The following SDK1 variants were observed in gnomAD, a reference collection of about 807,000 sequenced individuals.
The protein encoded by SDK1 is sidekick cell adhesion molecule 1.
In SDK1, 157 loss-of-function variants were observed where a neutral mutation model predicts 245.5. That is an observed-to-expected ratio of 0.64 (90% CI 0.56 to 0.73). The LOEUF (loss-of-function observed/expected upper bound fraction) is 0.73. Among genes scored for constraint, SDK1 ranks in the 30% least tolerant of loss-of-function variants. SDK1 has a pLI of 0.00. For missense variants in SDK1, 3,583 were observed against 3,002.3 expected, an observed-to-expected ratio of 1.19 and a Z score of -4.52; for synonymous variants, 1,647 against 1,278.5, an observed-to-expected ratio of 1.29 and a Z score of -6.15.
chr7:3,967,169 G>GCTGC, intron 9 of SDK1, 149 bp from the exon 10 acceptor site: 1 of 644,188 alleles, frequency 1.6e-6, no homozygotes, highest in Non-Finnish European at 2.8e-6. Flanking sequence ...ACAGTGGAGG[G>GCTGC]CTGCCGTCCC....
intron 5 of SDK1, among the ~76,000 whole-genome samples, chr7:3,894,685 A>G (rs557132384): frequency 9.2e-4 from 140 of 151,886 alleles, no homozygotes; most frequent in African/African-American, 3.1e-3. Flanking sequence ...AAAGCAGAGT[A>G]ATACTATTTT....
At chr7:3,627,265 A>G (rs1456223514) in intron 2 of SDK1, among the ~76,000 whole-genome samples, 3 of 152,080 alleles carry the variant, frequency 2.0e-5, no homozygotes, top group East Asian at 1.9e-4. Context: ...CTATTATCCT[A>G]TTAGTGTGGC....
Position 4,203,123 on chromosome 7 carries a change from G to C in SDK1, c.5099-2756G>C, listed in dbSNP as rs189491658. 4.1e-4 allele frequency among the ~76,000 whole-genome samples: 62 copies of C among 152,348 alleles called. 1 individual carries two copies. Among genetic ancestry groups the C allele is most frequent in the African/African-American group, 1.4e-3 (57 of 41,592 alleles). On this transcript the variant is annotated intron_variant, in intron 35 of 44. Coordinates refer to ENST00000404826, the MANE Select transcript of SDK1 (RefSeq NM_152744.4). The stretch of plus-strand genomic sequence containing the variant: ...AGCCTCCAGCCCACCCCTTCCCGCA[G>C]AGGCAGGAGGCCACGCCATAACCCG...
chr7:3,437,704 GTGCCACT>G (rs1780070128), intron 1 of SDK1, among the ~76,000 whole-genome samples: 1 of 152,126 alleles, frequency 6.6e-6, no homozygotes, highest in African/African-American at 2.4e-5. Flanking sequence ...AGCTGTGATC[GTGCCACT>G]GCACTCCAGC....
intron 1 of SDK1, among the ~76,000 whole-genome samples, chr7:3,461,605 T>C (rs557759457): frequency 6.6e-6 from 1 of 152,298 alleles, no homozygotes; most frequent in Non-Finnish European, 1.5e-5. Context: ...GTTGTGTGAC[T>C]TTGGTCATTG....
At chr7:3,504,180 A>ATG (rs1338465819) in intron 1 of SDK1, among the ~76,000 whole-genome samples, 1,156 of 89,444 alleles carry the variant, frequency 0.013, 19 homozygotes, top group African/African-American at 0.044. Context: ...ATATATATAT[A>ATG]TATGTGTGTG....
chr7:3,527,524 AG>A (rs1235265230), intron 1 of SDK1, among the ~76,000 whole-genome samples: 2 of 152,178 alleles, frequency 1.3e-5, no homozygotes, highest in African/African-American at 4.8e-5. Flanking sequence ...AGAAGGTCAG[AG>A]TGCCTGGATG....
At chr7:4,210,187 G>T in intron 38 of SDK1, 25 bp downstream of exon 38, 1 of 1,514,774 alleles carries the variant, frequency 6.6e-7, no homozygotes, top group Non-Finnish European at 8.8e-7. Flanking sequence ...TGGGGAGATG[G>T]GAGCGCGGGC....
rs2014637 is a variant in SDK1, at chr7:3,800,374, T to C, written c.714-21076T>C. Among the ~76,000 whole-genome samples the C allele has an allele frequency of 3.2e-3, 473 of 145,950 alleles. 2 individuals are homozygous for C. The highest frequency in any genetic ancestry group is 9.6e-3 in the African/African-American group (361 of 37,490). Reference sequence around the variant, plus strand: ...TTTTACTTACTTACTTACTTACTTATTTATTTATTTATTTATTTATTTATT... The same window carrying C: ...TTTTACTTACTTACTTACTTACTTACTTATTTATTTATTTATTTATTTATT... On this transcript the variant is annotated intron_variant, in intron 4 of 44. Coordinates refer to ENST00000404826, the MANE Select transcript of SDK1 (RefSeq NM_152744.4).
At chr7:4,125,065 GTGGATGGATGGA>G (rs758297818) in intron 25 of SDK1, among the ~76,000 whole-genome samples, 2 of 149,516 alleles carry the variant, frequency 1.3e-5, no homozygotes, top group Admixed American at 1.3e-4. Flanking sequence ...TGGGTAATGG[GTGGATGGATGGA>G]TGGATGGATG....
chr7:3,391,737 A>T (rs1430792291), intron 1 of SDK1, among the ~76,000 whole-genome samples: 1 of 150,620 alleles, frequency 6.6e-6, no homozygotes, highest in African/African-American at 2.4e-5. Flanking sequence ...GCCAGGTTTA[A>T]GTGATCCTCC....
intron 20 of SDK1, among the ~76,000 whole-genome samples, chr7:4,070,946 G>A (rs930341977): frequency 2.0e-5 from 3 of 151,580 alleles, no homozygotes; most frequent in Admixed American, 6.6e-5. Flanking sequence ...TCCTGACCTC[G>A]TGATCCACCC....
At chr7:3,959,793 CTT>C (rs796300551) in intron 8 of SDK1, among the ~76,000 whole-genome samples, 1 of 145,612 alleles carries the variant, frequency 6.9e-6, no homozygotes, top group Admixed American at 6.9e-5. Flanking sequence ...GAAATGTTAC[CTT>C]TTTTTTTTTG....
intron 4 of SDK1, among the ~76,000 whole-genome samples, chr7:3,687,827 T>C (rs1159271919): frequency 6.6e-6 from 1 of 152,158 alleles, no homozygotes; most frequent in Admixed American, 6.5e-5. Flanking sequence ...CGTATCCTGC[T>C]CACAGTGCTG....
chr7:4,248,996 C>T (rs1469131905), intron 44 of SDK1, among the ~76,000 whole-genome samples: 1 of 148,632 alleles, frequency 6.7e-6, no homozygotes, highest in Non-Finnish European at 1.5e-5. Context: ...ATGCACAACA[C>T]ATACATACCT....
chr7:3,940,676 C>T (rs1351833073), intron 5 of SDK1, among the ~76,000 whole-genome samples: 1 of 151,996 alleles, frequency 6.6e-6, no homozygotes, highest in South Asian at 2.1e-4. Flanking sequence ...CAAAAAATAG[C>T]CGGGTGTCGT....
intron 1 of SDK1, among the ~76,000 whole-genome samples, chr7:3,542,815 G>C (rs1234760400): frequency 2.0e-5 from 3 of 152,128 alleles, no homozygotes; most frequent in Admixed American, 6.5e-5. Context: ...AGTGTAGAGA[G>C]AGAAATTAGA....
At chr7:3,967,072 C>T (rs1033141298) in intron 9 of SDK1, among the ~76,000 whole-genome samples, 9 of 152,216 alleles carry the variant, frequency 5.9e-5, no homozygotes, top group African/African-American at 2.2e-4. Context: ...TGGGCCCCTG[C>T]ACGTTTCCAC....
intron 5 of SDK1, among the ~76,000 whole-genome samples, chr7:3,875,661 A>G (rs540594055): frequency 5.3e-5 from 8 of 152,306 alleles, no homozygotes; most frequent in African/African-American, 1.9e-4. Flanking sequence ...TCGGGTAGGA[A>G]AGATTGGCAA....
Sources: allele counts gnomAD v4.1 joint callset (sites outside exome capture counted in the v4.1 genomes callset), GRCh38; gene constraint gnomAD v4.1.1; transcripts MANE v1.5; gene names NCBI Gene and HGNC (gene_info 2026-07-23, HGNC 2026-07-21).